Variants in IL1RAPL2 observed in about 807,000 individuals in gnomAD.
IL1RAPL2 encodes interleukin 1 receptor accessory protein like 2, also known as X-linked interleukin-1 receptor accessory protein-like 2.
Under a neutral mutation model 44.1 loss-of-function variants are expected in IL1RAPL2, and 3 were observed. The ratio of observed to expected loss-of-function variants is 0.07; its 90% CI spans 0.03 to 0.18. The LOEUF (loss-of-function observed/expected upper bound fraction) is 0.18, where lower values mean the gene tolerates loss of function less well. IL1RAPL2 is among the 10% of genes least tolerant of loss of function. IL1RAPL2 has a pLI of 1.00. For synonymous variants in IL1RAPL2, 181 were observed against 178.8 expected (o/e 1.01, Z -0.10); for missense variants, 391 against 496.4 (o/e 0.79, Z 2.02).
chrX:105,204,724 T>C (rs782174200), intron 3 of IL1RAPL2, among the ~76,000 whole-genome samples: 1 of 111,530 alleles, frequency 9.0e-6, no homozygotes, highest in Non-Finnish European at 1.9e-5. Flanking sequence ...CTGCTTGGAG[T>C]CAAATCTCAG....
intron 3 of IL1RAPL2, chrX:105,218,851 C>T: frequency 1.5e-6 from 1 of 673,077 alleles, no homozygotes; most frequent in African/African-American, 2.2e-5. Flanking sequence ...TTCCCCCACT[C>T]TTCCCAGCCT....
chrX:105,325,580 CAT>C (rs2034932114), intron 5 of IL1RAPL2, among the ~76,000 whole-genome samples: 1 of 77,596 alleles, frequency 1.3e-5, no homozygotes, highest in African/African-American at 8.1e-5. Flanking sequence ...TATATATACA[CAT>C]ATGTATATAT....
intron 2 of IL1RAPL2, among the ~76,000 whole-genome samples, chrX:104,967,252 A>G (rs2030142516): frequency 8.9e-6 from 1 of 111,818 alleles, no homozygotes; most frequent in Non-Finnish European, 1.9e-5. Context: ...ATAAATAACA[A>G]GGGGATTATT....
intron 2 of IL1RAPL2, among the ~76,000 whole-genome samples, chrX:104,992,802 T>G (rs1358540266): frequency 9.0e-6 from 1 of 110,797 alleles, no homozygotes; most frequent in Non-Finnish European, 1.9e-5. Context: ...ATAATTGGTT[T>G]ACAATTATAC....
intron 6 of IL1RAPL2, among the ~76,000 whole-genome samples, chrX:105,579,961 G>T (rs1308923442): frequency 8.9e-6 from 1 of 111,808 alleles, no homozygotes; most frequent in Non-Finnish European, 1.9e-5. Context: ...TTATTCTTTT[G>T]TCTTACCATG....
At chrX:104,928,307 G>T (rs1924820181) in intron 2 of IL1RAPL2, among the ~76,000 whole-genome samples, 1 of 111,497 alleles carries the variant, frequency 9.0e-6, no homozygotes, top group Non-Finnish European at 1.9e-5. Flanking sequence ...ATTCATTATA[G>T]ATATTAGTCC....
In IL1RAPL2 at chrX:104,964,267, C is replaced by T. The variant is rs1193683344; in HGVS notation, c.83-231208C>T. Among the ~76,000 whole-genome samples, 4 of 105,213 alleles carry T rather than the reference C, an allele frequency of 3.8e-5. No homozygotes were observed. In the East Asian group the frequency reaches 1.2e-3, roughly 32 times the overall value. The allele number at this position is 105,213 out of a possible 115,157, so 91.4% of individuals were successfully genotyped here. Reference sequence around the variant, plus strand: ...GTTACCTGCCTTTATCATGGTACTACATTGTGCCAGGGATTTATTTATTTA... The same window carrying T: ...GTTACCTGCCTTTATCATGGTACTATATTGTGCCAGGGATTTATTTATTTA... On this transcript the variant is annotated intron_variant, in intron 2 of 10. Coordinates refer to ENST00000372582, the MANE Select transcript of IL1RAPL2 (RefSeq NM_017416.2).
chrX:105,292,984 C>T (rs970444964), intron 5 of IL1RAPL2, among the ~76,000 whole-genome samples: 2 of 108,982 alleles, frequency 1.8e-5, no homozygotes, highest in African/African-American at 3.3e-5. Flanking sequence ...TTGTGGCAGG[C>T]GCCTGTAGTC....
intron 1 of IL1RAPL2, among the ~76,000 whole-genome samples, chrX:104,654,294 A>G (rs1930210151): frequency 9.0e-6 from 1 of 111,677 alleles, no homozygotes; most frequent in Non-Finnish European, 1.9e-5. Context: ...TTATGAATAA[A>G]ACAAACAAAG....
intron 1 of IL1RAPL2, among the ~76,000 whole-genome samples, chrX:104,644,738 C>G (rs1367843543): frequency 9.0e-6 from 1 of 110,960 alleles, no homozygotes; most frequent in Non-Finnish European, 1.9e-5. Context: ...AATCATGAGG[C>G]AAACATCAAT....
chrX:104,844,511 A>AT (rs1042375842), intron 2 of IL1RAPL2, among the ~76,000 whole-genome samples: 1 of 110,705 alleles, frequency 9.0e-6, no homozygotes, highest in Non-Finnish European at 1.9e-5. Flanking sequence ...GGGTTATCCA[A>AT]TTTTTTTGCT....
intron 2 of IL1RAPL2, among the ~76,000 whole-genome samples, chrX:104,951,675 G>A (rs929140098): frequency 8.0e-5 from 9 of 112,436 alleles, no homozygotes; most frequent in African/African-American, 2.9e-4. Flanking sequence ...ATAGACATGG[G>A]TTTGGTTTCC....
At chrX:105,116,362 A>G (rs2032862051) in intron 2 of IL1RAPL2, among the ~76,000 whole-genome samples, 1 of 113,178 alleles carries the variant, frequency 8.8e-6, no homozygotes, top group Admixed American at 9.3e-5. Flanking sequence ...AGTTGTAAAA[A>G]TTAGAGAAAA....
At chrX:104,667,174 T>A (rs12689108) in intron 2 of IL1RAPL2, among the ~76,000 whole-genome samples, 40,625 of 110,082 alleles carry the variant, frequency 0.37, 5,889 homozygotes, top group East Asian at 0.54. Context: ...CATTAAACCC[T>A]TAAGATGAAT....
At chrX:105,293,295 T>A (rs2034629289) in intron 5 of IL1RAPL2, among the ~76,000 whole-genome samples, 1 of 111,950 alleles carries the variant, frequency 8.9e-6, no homozygotes, top group Non-Finnish European at 1.9e-5. Flanking sequence ...GTGACTTGGT[T>A]TTTGGGATTT....
intron 1 of IL1RAPL2, among the ~76,000 whole-genome samples, chrX:104,644,803 T>G (rs1014988011): frequency 9.0e-6 from 1 of 111,522 alleles, no homozygotes; most frequent in African/African-American, 3.3e-5. Flanking sequence ...CTCTCTTTCC[T>G]ATCACAGCTA....
At chrX:105,608,062 G>A (rs1476394865) in intron 6 of IL1RAPL2, among the ~76,000 whole-genome samples, 1 of 111,223 alleles carries the variant, frequency 9.0e-6, no homozygotes, top group Non-Finnish European at 1.9e-5. Context: ...AAACTGTGAA[G>A]GAATGATAGG....
At chrX:105,127,632 G>A (rs998764938) in intron 2 of IL1RAPL2, among the ~76,000 whole-genome samples, 1 of 110,963 alleles carries the variant, frequency 9.0e-6, no homozygotes, top group Non-Finnish European at 1.9e-5. Context: ...AACTCTTTAT[G>A]TGACTCTAGT....
At chrX:105,422,800 T>C (rs905716924) in intron 5 of IL1RAPL2, among the ~76,000 whole-genome samples, 1 of 110,855 alleles carries the variant, frequency 9.0e-6, no homozygotes, top group Non-Finnish European at 1.9e-5. Flanking sequence ...CAGTTCTCCA[T>C]GAGTTCTAAA....
Sources: gnomAD v4.1 joint callset for allele counts (sites outside exome capture counted in the v4.1 genomes callset) on GRCh38, gnomAD v4.1.1 for gene constraint, MANE v1.5 for transcripts, NCBI Gene and HGNC (gene_info 2026-07-23, HGNC 2026-07-21) for gene names.